ROR1: variants seen among roughly 807,000 people sequenced by gnomAD.
ROR1 encodes the protein inactive tyrosine-protein kinase transmembrane receptor ROR1.
ROR1 carries 19 observed loss-of-function variants against 78.8 expected under a neutral mutation model. That is an observed-to-expected ratio of 0.24 (90% CI 0.17 to 0.35). ROR1 has a LOEUF of 0.35. Among genes scored for constraint, ROR1 ranks in the 10% least tolerant of loss-of-function variants. The pLI, the probability that ROR1 is intolerant of heterozygous loss-of-function variation, is 1.00. For missense variants in ROR1, 917 were observed against 1,177.8 expected (o/e 0.78, Z 3.24); for synonymous variants, 386 against 433.6 (o/e 0.89, Z 1.36).
Position 63,990,632 on chromosome 1 carries a change from T to G in ROR1, c.92-18673T>G, listed in dbSNP as rs1277943983. Among the ~76,000 whole-genome samples the G allele has an allele frequency of 2.0e-5, 3 of 152,182 alleles. No homozygotes were observed. In the East Asian group the frequency reaches 5.8e-4, roughly 29 times the overall value. On this transcript the variant is annotated intron_variant, in intron 1 of 8. Coordinates refer to ENST00000371079, the MANE Select transcript of ROR1 (RefSeq NM_005012.4). ...AAACCTCTATTCCTGAGAAGGGAAG[T>G]TGTAATTTTGTCAAAGATAAAATAT...
chr1:63,927,075 C>T (rs1429272255), intron 1 of ROR1, among the ~76,000 whole-genome samples: 3 of 56,706 alleles, frequency 5.3e-5, no homozygotes, highest in Admixed American at 2.6e-4. Context: ...AGAGGGCATC[C>T]CTGTCTTGTG....
chr1:63,875,077 C>T (rs746861384), intron 1 of ROR1, among the ~76,000 whole-genome samples: 22 of 152,032 alleles, frequency 1.4e-4, no homozygotes, highest in Admixed American at 1.2e-3. Flanking sequence ...AGCCTGAAGC[C>T]GGCTGTCTTG....
chr1:64,003,855 A>G (rs1646407137), intron 1 of ROR1, among the ~76,000 whole-genome samples: 1 of 152,252 alleles, frequency 6.6e-6, no homozygotes, highest in African/African-American at 2.4e-5. Flanking sequence ...TCACCAAACA[A>G]CATCTAAAGT....
At chr1:64,008,500 A>G (rs1646448150) in intron 1 of ROR1, among the ~76,000 whole-genome samples, 1 of 152,136 alleles carries the variant, frequency 6.6e-6, no homozygotes, top group Admixed American at 6.5e-5. Context: ...TGCTGGGTTG[A>G]ATGGTAGGTC....
At chr1:63,807,546 T>C (rs534813115) in intron 1 of ROR1, among the ~76,000 whole-genome samples, 1 of 152,212 alleles carries the variant, frequency 6.6e-6, no homozygotes, top group Non-Finnish European at 1.5e-5. Flanking sequence ...TTCTTCCTCA[T>C]CCAGAGCCAT....
chr1:64,170,386 G>C (rs557808042), intron 8 of ROR1, among the ~76,000 whole-genome samples: 2 of 152,280 alleles, frequency 1.3e-5, no homozygotes, highest in South Asian at 4.1e-4. Context: ...GCTGTACCTT[G>C]ACCCCTTTTA....
intron 4 of ROR1, among the ~76,000 whole-genome samples, chr1:64,064,400 A>G (rs1448164706): frequency 6.6e-6 from 1 of 152,226 alleles, no homozygotes; most frequent in Non-Finnish European, 1.5e-5. Flanking sequence ...ACACTTTCAA[A>G]TGCCAGCCAG....
At chr1:64,027,449 A>G (rs573032000) in intron 2 of ROR1, among the ~76,000 whole-genome samples, 1 of 152,272 alleles carries the variant, frequency 6.6e-6, no homozygotes, top group East Asian at 1.9e-4. Flanking sequence ...CTTTTAATCA[A>G]TGGCAATTAA....
intron 1 of ROR1, among the ~76,000 whole-genome samples, chr1:63,857,083 C>CTTGT (rs1645153366): frequency 6.6e-6 from 1 of 151,582 alleles, no homozygotes; most frequent in Non-Finnish European, 1.5e-5. Context: ...TCAATAAGTA[C>CTTGT]TTGTTGAATG....
chr1:64,129,274 C>G (rs1457544957), intron 4 of ROR1, among the ~76,000 whole-genome samples: 4 of 152,180 alleles, frequency 2.6e-5, no homozygotes, highest in Admixed American at 6.5e-5. Flanking sequence ...CCATTTACCA[C>G]TCTTTCCACA....
chr1:63,774,275 G>C lies in ROR1; in HGVS notation c.-143G>C. 1 of 407,008 alleles carries C rather than the reference G, an allele frequency of 2.5e-6. No individual in the cohort carries two copies. The highest frequency in any genetic ancestry group is 2.9e-5 in the South Asian group (1 of 34,088). 25.2% of individuals were successfully genotyped at this position (407,008 alleles called of 1,614,324 possible). ...GGCGGAGGCGAGGGAGCAGGTTAGA[G>C]GGACAAAGAGCTTTGCAGACGTCCC... On this transcript the variant is annotated 5_prime_UTR_variant, in exon 1 of 9. Transcript: ENST00000371079. This position sits in a 1 kb window ranked among gnomAD's most constrained non-coding sequence, Gnocchi z 5.7.
Position 64,178,419 on chromosome 1 carries a change from G to T in ROR1, c.2378G>T (p.Ser793Ile). The T allele has an allele frequency of 6.2e-7, 1 of 1,614,156 alleles. No individual in the cohort carries two copies. The highest frequency in any genetic ancestry group is 1.6e-4 in the Middle Eastern group (1 of 6,062). ...AGATATCCTAATTACATGTTCCCGAGCCAGGGTATTACACCACAGGGCCAG... is the reference window on the plus strand; with the variant it reads ...AGATATCCTAATTACATGTTCCCGATCCAGGGTATTACACCACAGGGCCAG... ...NPRYPNYMFP[S>I]QGITPQGQIA... The change falls in exon 9 of 9, where the codon AGC becomes ATC. Residue 793 changes from serine to isoleucine, a missense_variant. This residue lies in a region of ROR1 where 835 missense variants were observed against 1,069.8 expected (regional missense o/e 0.78). Transcript: ENST00000371079. This position sits in a 1 kb window ranked among gnomAD's most constrained non-coding sequence, Gnocchi z 4.3.
Position 64,049,899 on chromosome 1 carries a change from A to G in ROR1, c.372A>G (p.Thr124=). Residue 124 remains threonine (T), a synonymous_variant, in exon 3 of 9, where the codon ACA becomes ACG. Transcript: ENST00000371079. ...SRLRIRNLDT[T]DTGYFQCVAT... is the part of the protein sequence containing the mutation. ...TGCGGATTAGAAACCTCGACACCACAGACACAGGCTACTTCCAGTGCGTGG... is the reference window on the plus strand; with the variant it reads ...TGCGGATTAGAAACCTCGACACCACGGACACAGGCTACTTCCAGTGCGTGG... 2.5e-6 allele frequency: 4 copies of G among 1,614,146 alleles called. No individual in the cohort carries two copies. The highest frequency in any genetic ancestry group is 3.4e-6 in the Non-Finnish European group (4 of 1,180,014).
intron 1 of ROR1, among the ~76,000 whole-genome samples, chr1:63,796,800 T>G (rs1644763941): frequency 6.6e-6 from 1 of 152,096 alleles, no homozygotes; most frequent in African/African-American, 2.4e-5. Context: ...TCGAGGTGAC[T>G]GAAGGTGGAA....
intron 8 of ROR1, among the ~76,000 whole-genome samples, chr1:64,165,051 G>A (rs1410297205): frequency 1.3e-5 from 2 of 152,128 alleles, no homozygotes; most frequent in Non-Finnish European, 2.9e-5. Flanking sequence ...TGTGAATAGT[G>A]CTGCAGTGAA....
At chr1:64,087,000 T>C (rs1248096582) in intron 4 of ROR1, among the ~76,000 whole-genome samples, 16 of 152,210 alleles carry the variant, frequency 1.1e-4, no homozygotes, top group Admixed American at 1.0e-3. Flanking sequence ...GCCCAATTTC[T>C]GTATACCATG....
At chr1:64,165,515 G>A (rs1557681212) in intron 8 of ROR1, among the ~76,000 whole-genome samples, 1 of 151,950 alleles carries the variant, frequency 6.6e-6, no homozygotes, top group Non-Finnish European at 1.5e-5. Flanking sequence ...TCTGTAGGTT[G>A]TGTTACTCTG....
chr1:63,924,723 T>G (rs72912814), intron 1 of ROR1, among the ~76,000 whole-genome samples: 1 of 152,254 alleles, frequency 6.6e-6, no homozygotes, highest in African/African-American at 2.4e-5. Context: ...AGTGCAAGAA[T>G]TTTCCATTGA....
intron 1 of ROR1, among the ~76,000 whole-genome samples, chr1:63,992,032 T>G (rs1000873746): frequency 3.3e-5 from 5 of 152,118 alleles, no homozygotes; most frequent in African/African-American, 1.2e-4. Context: ...ATTTTAACAT[T>G]GTAACTTTTG....
Sources: gnomAD v4.1 joint callset for allele counts (sites outside exome capture counted in the v4.1 genomes callset) on GRCh38, gnomAD v4.1.1 for gene constraint, gnomAD v4.1.1 regional missense constraint, Gnocchi (gnomAD v3.1) non-coding constraint, MANE v1.5 for transcripts, NCBI Gene and HGNC (gene_info 2026-07-23, HGNC 2026-07-21) for gene names.